The following DLG2 variants were observed in gnomAD, a reference collection of about 807,000 sequenced individuals.
DLG2 encodes the protein discs large MAGUK scaffold protein 2.
DLG2 carries 45 observed loss-of-function variants against 132.5 expected under a neutral mutation model. The observed-to-expected ratio is 0.34, with a 90% CI of 0.27 to 0.44. The LOEUF is 0.44. Among genes scored for constraint, DLG2 ranks in the 20% least tolerant of loss-of-function variants. DLG2 has a pLI of 1.00. For synonymous variants in DLG2, 424 were observed against 419.6 expected, an observed-to-expected ratio of 1.01 and a Z score of -0.13; for missense variants, 1,045 against 1,196.9, an observed-to-expected ratio of 0.87 and a Z score of 1.87.
chr11:84,979,467 C>T (rs991317314), intron 6 of DLG2, among the ~76,000 whole-genome samples: 2 of 152,142 alleles, frequency 1.3e-5, no homozygotes, highest in African/African-American at 4.8e-5. Flanking sequence ...CCATGGAATA[C>T]TATGCAGCCA....
chr11:85,474,141 A>G (rs945857007), intron 3 of DLG2, among the ~76,000 whole-genome samples: 1 of 152,048 alleles, frequency 6.6e-6, no homozygotes, highest in Admixed American at 6.5e-5. Flanking sequence ...TAAAAAAATT[A>G]ACCAAAATAG....
intron 19 of DLG2, among the ~76,000 whole-genome samples, chr11:83,545,699 C>A (rs1435532349): frequency 6.6e-6 from 1 of 152,102 alleles, no homozygotes; most frequent in Non-Finnish European, 1.5e-5. Context: ...CTTTCCCACT[C>A]CTGCTGTTAG....
chr11:85,135,045 T>C (rs2152419770), intron 5 of DLG2, among the ~76,000 whole-genome samples: 1 of 152,278 alleles, frequency 6.6e-6, no homozygotes, highest in South Asian at 2.1e-4. Flanking sequence ...TGTTACATCA[T>C]CACAATAATT....
intron 5 of DLG2, among the ~76,000 whole-genome samples, chr11:85,121,973 T>A (rs2074381307): frequency 6.6e-6 from 1 of 152,192 alleles, no homozygotes; most frequent in Non-Finnish European, 1.5e-5. Context: ...GTAGTATGTA[T>A]GTATGTGTGT....
chr11:84,792,048 A>G (rs1419130912), intron 6 of DLG2, among the ~76,000 whole-genome samples: 1 of 152,178 alleles, frequency 6.6e-6, no homozygotes, highest in Non-Finnish European at 1.5e-5. Flanking sequence ...TTCCCCATTC[A>G]TTATGATACT....
intron 6 of DLG2, among the ~76,000 whole-genome samples, chr11:84,962,070 T>C (rs544726837): frequency 6.6e-6 from 1 of 152,364 alleles, no homozygotes; most frequent in African/African-American, 2.4e-5. Context: ...ACTTAGATTA[T>C]TAACCCTCAC....
chr11:84,754,774 G>A (rs144091154), intron 6 of DLG2, among the ~76,000 whole-genome samples: 3 of 152,136 alleles, frequency 2.0e-5, no homozygotes, highest in South Asian at 2.1e-4. Context: ...AAACCTTAGC[G>A]TGAACCATGG....
At chr11:85,107,440 T>C (rs1275941562) in intron 6 of DLG2, among the ~76,000 whole-genome samples, 2 of 152,054 alleles carry the variant, frequency 1.3e-5, no homozygotes, top group African/African-American at 4.8e-5. Flanking sequence ...GCATGGGCCA[T>C]AGCCATACTG....
intron 19 of DLG2, among the ~76,000 whole-genome samples, chr11:83,598,054 C>T (rs569542158): frequency 7.2e-5 from 11 of 152,300 alleles, no homozygotes; most frequent in Non-Finnish European, 1.3e-4. Flanking sequence ...TTTTAGTCTA[C>T]AGGACTAGGT....
rs150782309 is a variant in DLG2, at chr11:84,321,387, C to A, written c.520-70096G>T. Reference sequence around the variant, plus strand: ...ATGATCAGGTCCTTTATGCTTGATACCTGTCAGTTAAACGTCATTTTCTGG... The same window carrying A: ...ATGATCAGGTCCTTTATGCTTGATAACTGTCAGTTAAACGTCATTTTCTGG... On this transcript the variant is annotated intron_variant, in intron 7 of 27. Transcript: ENST00000376104. Among the ~76,000 whole-genome samples the A allele has an allele frequency of 2.4e-3, 360 of 152,188 alleles. 1 individual carries two copies. Among genetic ancestry groups the A allele is most frequent in the African/African-American group, 8.4e-3 (349 of 41,522 alleles).
intron 17 of DLG2, among the ~76,000 whole-genome samples, chr11:83,819,263 A>G (rs1393068079): frequency 6.6e-6 from 1 of 152,040 alleles, no homozygotes; most frequent in African/African-American, 2.4e-5. Context: ...TGAGGTCAGG[A>G]GTTCGAGACC....
At chr11:84,100,333 G>C (rs1000552714) in intron 9 of DLG2, among the ~76,000 whole-genome samples, 1 of 140,472 alleles carries the variant, frequency 7.1e-6, no homozygotes, top group African/African-American at 2.6e-5. Context: ...CTCTCTAAAG[G>C]ATATATATAT....
At chr11:84,185,742 T>A (rs1202006877) in intron 8 of DLG2, among the ~76,000 whole-genome samples, 1 of 152,212 alleles carries the variant, frequency 6.6e-6, no homozygotes, top group Non-Finnish European at 1.5e-5. Context: ...TTGAGGTATG[T>A]CCCATCAATA....
intron 19 of DLG2, among the ~76,000 whole-genome samples, chr11:83,624,803 C>G (rs149105251): frequency 1.1e-3 from 173 of 152,308 alleles, no homozygotes; most frequent in Admixed American, 2.7e-3. Flanking sequence ...GCCAGATCTA[C>G]TTGGAGGAAA....
At chr11:84,469,949 G>A (rs1020165956) in intron 7 of DLG2, among the ~76,000 whole-genome samples, 2 of 151,656 alleles carry the variant, frequency 1.3e-5, no homozygotes, top group Non-Finnish European at 3.0e-5. Flanking sequence ...TACACATTGA[G>A]ACTATGTAAT....
intron 17 of DLG2, among the ~76,000 whole-genome samples, chr11:83,813,985 T>C (rs1013220106): frequency 6.6e-6 from 1 of 152,158 alleles, no homozygotes; most frequent in Non-Finnish European, 1.5e-5. Flanking sequence ...AGAGTCAGGA[T>C]GCAGACTCAC....
At chr11:85,380,472 C>T (rs563238106) in intron 3 of DLG2, among the ~76,000 whole-genome samples, 16 of 152,222 alleles carry the variant, frequency 1.1e-4, no homozygotes, top group East Asian at 5.8e-4. Context: ...CCAGCCTGAC[C>T]GACATGGAGA....
intron 15 of DLG2, among the ~76,000 whole-genome samples, chr11:83,892,203 G>T (rs180736916): frequency 6.6e-6 from 1 of 152,236 alleles, no homozygotes; most frequent in Admixed American, 6.5e-5. Context: ...AGAAGAAAAA[G>T]TAAGTTGGAA....
At chr11:84,230,818 G>T (rs1412470763) in intron 8 of DLG2, among the ~76,000 whole-genome samples, 5 of 152,176 alleles carry the variant, frequency 3.3e-5, no homozygotes, top group Non-Finnish European at 5.9e-5. Flanking sequence ...ATTAACAGTG[G>T]AGACAAGGCA....
Sources: gnomAD v4.1 joint callset for allele counts (sites outside exome capture counted in the v4.1 genomes callset) on GRCh38, gnomAD v4.1.1 for gene constraint, MANE v1.5 for transcripts, NCBI Gene and HGNC (gene_info 2026-07-23, HGNC 2026-07-21) for gene names.